Variants in ZBTB7C observed in about 807,000 individuals in gnomAD.
ZBTB7C encodes the protein zinc finger and BTB domain containing 7C, also known as zinc finger and BTB domain-containing protein 7C.
In ZBTB7C, 8 loss-of-function variants were observed where a neutral mutation model predicts 25.7. The ratio of observed to expected loss-of-function variants is 0.31; its 90% CI spans 0.18 to 0.56. The LOEUF (loss-of-function observed/expected upper bound fraction) is 0.56. Ranked by LOEUF, ZBTB7C falls within the 20% of genes least tolerant of loss-of-function variation. The pLI, the probability that ZBTB7C is intolerant of heterozygous loss-of-function variation, is 0.91. For synonymous variants in ZBTB7C, 394 were observed against 369.0 expected (o/e 1.07, Z -0.78); for missense variants, 824 against 855.2 (o/e 0.96, Z 0.46).
At position 48,110,662 on chromosome 18, in the gene ZBTB7C, G is replaced by A. The variant is rs143845437; in HGVS notation, c.-16-69539C>T. Among the ~76,000 whole-genome samples the A allele has an allele frequency of 2.8e-3, 420 of 152,216 alleles. 2 individuals carry two copies. The highest frequency in any genetic ancestry group is 9.4e-3 in the African/African-American group (391 of 41,516). On this transcript the variant is annotated intron_variant, in intron 3 of 4. Coordinates refer to ENST00000590800, the MANE Select transcript of ZBTB7C (RefSeq NM_001318841.2). Reference sequence around the variant, plus strand: ...CGGTTCTGAATGTTGCTTCTCCAGGGCGATGGGGAGAATTGCTACATCTCG... The same window carrying A: ...CGGTTCTGAATGTTGCTTCTCCAGGACGATGGGGAGAATTGCTACATCTCG...
intron 1 of ZBTB7C, among the ~76,000 whole-genome samples, chr18:48,367,196 TATATATACACACACACACAC>T (rs1347857799): frequency 1.7e-5 from 1 of 57,474 alleles, no homozygotes; most frequent in Non-Finnish European, 3.4e-5. Context: ...TATATATATA[TATATATACACACACACACAC>T]ACACACACAC....
At chr18:48,109,545 G>A (rs542855623) in intron 3 of ZBTB7C, among the ~76,000 whole-genome samples, 4 of 152,202 alleles carry the variant, frequency 2.6e-5, no homozygotes, top group Admixed American at 6.5e-5. Flanking sequence ...AAATGCTTAC[G>A]AAGATGAGCA....
At chr18:48,105,981 T>C (rs1356737415) in intron 3 of ZBTB7C, among the ~76,000 whole-genome samples, 2 of 152,242 alleles carry the variant, frequency 1.3e-5, no homozygotes, top group African/African-American at 2.4e-5. Context: ...ATAATGCTAC[T>C]ACTACTAAAA....
chr18:48,194,796 A>T (rs903879293), intron 2 of ZBTB7C, among the ~76,000 whole-genome samples: 1 of 145,452 alleles, frequency 6.9e-6, no homozygotes, highest in Admixed American at 6.9e-5. Flanking sequence ...GAGTCTTTGG[A>T]TAGCTGTGGG....
intron 1 of ZBTB7C, among the ~76,000 whole-genome samples, chr18:48,370,522 G>T (rs2047364104): frequency 6.6e-6 from 1 of 152,082 alleles, no homozygotes; most frequent in Non-Finnish European, 1.5e-5. Flanking sequence ...CAATATCCTG[G>T]GTGTGATATT....
chr18:48,076,897 C>G, intron 3 of ZBTB7C: 2 of 974,140 alleles, frequency 2.1e-6, no homozygotes, highest in Non-Finnish European at 2.4e-6. Flanking sequence ...TCCAACAAAT[C>G]GAATTCAATC....
intron 3 of ZBTB7C, among the ~76,000 whole-genome samples, chr18:48,135,707 C>T (rs1414821725): frequency 6.6e-6 from 1 of 152,164 alleles, no homozygotes; most frequent in Non-Finnish European, 1.5e-5. Context: ...GGAGCTGAAA[C>T]TTGAACCTGG....
chr18:48,078,552 G>C (rs901692527), intron 3 of ZBTB7C, among the ~76,000 whole-genome samples: 1 of 152,210 alleles, frequency 6.6e-6, no homozygotes, highest in African/African-American at 2.4e-5. Flanking sequence ...GTGTACTGGG[G>C]AGCAGTCGTG....
chr18:48,268,393 G>T (rs2044375843), intron 2 of ZBTB7C, among the ~76,000 whole-genome samples: 1 of 152,234 alleles, frequency 6.6e-6, no homozygotes, highest in South Asian at 2.1e-4. Context: ...AGCAGAGACA[G>T]CTGGGGATTT....
At chr18:48,322,687 A>G (rs1389780017) in intron 2 of ZBTB7C, among the ~76,000 whole-genome samples, 1 of 152,216 alleles carries the variant, frequency 6.6e-6, no homozygotes, top group African/African-American at 2.4e-5. Context: ...CAGCAATTCC[A>G]CTACTGGGTA....
Position 48,040,203 on chromosome 18 carries a change from G to A in ZBTB7C, c.905C>T (p.Pro302Leu), listed in dbSNP as rs761990157. Reference sequence around the variant, plus strand: ...GAAGAAGTCATTAGGGAAGGGTGGCGGTGGGGGTGGGGGCAGCTCCTCCTT... The same window carrying A: ...GAAGAAGTCATTAGGGAAGGGTGGCAGTGGGGGTGGGGGCAGCTCCTCCTT... ...EEKEELPPPP[P>L]PPFPNDFFKD... is the part of the protein sequence containing the mutation. Residue 302 changes from proline (P) to leucine (L), a missense_variant, in exon 4 of 5, where the codon CCG becomes CTG. Physicochemically the swap from Pro to Leu is moderately conservative, Grantham distance 98 (BLOSUM62 -3). This residue lies in a region of ZBTB7C where 316 missense variants were observed against 299.2 expected (regional missense o/e 1.06). Coordinates refer to ENST00000590800, the MANE Select transcript of ZBTB7C (RefSeq NM_001318841.2). 81 of 1,571,040 alleles carry A rather than the reference G, an allele frequency of 5.2e-5. No homozygotes were observed. The East Asian group carries it at 1.1e-3, about 20-fold the overall frequency.
At chr18:48,299,029 A>C (rs929965665) in intron 2 of ZBTB7C, among the ~76,000 whole-genome samples, 8 of 152,262 alleles carry the variant, frequency 5.3e-5, no homozygotes, top group Admixed American at 5.2e-4. Context: ...ACAAGCGCCC[A>C]GTCCTGTCCT....
chr18:48,094,835 T>C (rs1368378401), intron 3 of ZBTB7C, among the ~76,000 whole-genome samples: 4 of 152,088 alleles, frequency 2.6e-5, no homozygotes, highest in Non-Finnish European at 4.4e-5. Context: ...ATGGAACACT[T>C]TGAAACGAAA....
intron 3 of ZBTB7C, among the ~76,000 whole-genome samples, chr18:48,046,717 C>G (rs570017926): frequency 3.0e-4 from 45 of 152,312 alleles, no homozygotes; most frequent in Admixed American, 8.5e-4. Flanking sequence ...TTGTCCTGTG[C>G]TAAGTGTGGA....
At chr18:48,259,937 T>C (rs977118952) in intron 2 of ZBTB7C, among the ~76,000 whole-genome samples, 19 of 152,352 alleles carry the variant, frequency 1.2e-4, no homozygotes, top group African/African-American at 4.3e-4. Context: ...ACAACTATTT[T>C]GGTAAGTAGT....
At chr18:48,124,219 C>T (rs554631125) in intron 3 of ZBTB7C, among the ~76,000 whole-genome samples, 4 of 152,320 alleles carry the variant, frequency 2.6e-5, no homozygotes, top group South Asian at 4.1e-4. Context: ...GAACAAAGCC[C>T]GCAGTCTGTC....
chr18:48,031,403 C>T (rs1376975281), intron 4 of ZBTB7C, among the ~76,000 whole-genome samples: 1 of 152,118 alleles, frequency 6.6e-6, no homozygotes, highest in Non-Finnish European at 1.5e-5. Context: ...TCCCACTGCT[C>T]CTGCCTTTTT....
At chr18:48,211,296 T>C (rs2042696364) in intron 2 of ZBTB7C, among the ~76,000 whole-genome samples, 1 of 152,068 alleles carries the variant, frequency 6.6e-6, no homozygotes, top group South Asian at 2.1e-4. Flanking sequence ...ACTTTTTAGA[T>C]ACAACACCAA....
intron 2 of ZBTB7C, among the ~76,000 whole-genome samples, chr18:48,201,035 G>A (rs1050665407): frequency 1.3e-5 from 2 of 152,150 alleles, no homozygotes; most frequent in Non-Finnish European, 2.9e-5. Flanking sequence ...TCGCACCTGC[G>A]CAGGTGAACT....
Sources: allele counts gnomAD v4.1 joint callset (sites outside exome capture counted in the v4.1 genomes callset), GRCh38; gene constraint gnomAD v4.1.1; regional missense constraint gnomAD v4.1.1; transcripts MANE v1.5; gene names NCBI Gene and HGNC (gene_info 2026-07-23, HGNC 2026-07-21).